Variants in ZFX observed in about 807,000 individuals in gnomAD.
ZFX encodes zinc finger X-chromosomal protein.
For missense variants in ZFX, 362 were observed against 628.3 expected (o/e 0.58, Z 4.53); for synonymous variants, 196 against 226.8 (o/e 0.86, Z 1.22).
intron 5 of ZFX, among the ~76,000 whole-genome samples, chrX:24,180,151 G>C (rs1935550773): frequency 9.1e-6 from 1 of 109,637 alleles, no homozygotes; most frequent in South Asian, 4.0e-4. Context: ...AGAATCGCTT[G>C]AACCCGGGAG....
Position 24,210,443 on chromosome X carries a change from G to A in ZFX, c.1485G>A (p.Lys495=). 2 of 1,212,157 alleles carry A rather than the reference G, an allele frequency of 1.6e-6. No homozygotes were observed. Among genetic ancestry groups the A allele is most frequent in the Non-Finnish European group, 2.2e-6 (2 of 895,667 alleles). Reference sequence around the variant, plus strand: ...CCATTGAATGCGATGAGTGTGGGAAGCATTTCTCTCATGCAGGGGCTTTGT... The same window carrying A: ...CCATTGAATGCGATGAGTGTGGGAAACATTTCTCTCATGCAGGGGCTTTGT... The part of the protein sequence containing the change: ...EKAIECDECG[K]HFSHAGALFT... Residue 495 remains lysine, a synonymous_variant, in exon 10 of 10, where the codon AAG becomes AAA. Coordinates refer to ENST00000304543, the MANE Select transcript of ZFX (RefSeq NM_003410.4).
intron 4 of ZFX, among the ~76,000 whole-genome samples, chrX:24,176,069 TG>T (rs1935103266): frequency 9.2e-6 from 1 of 108,300 alleles, no homozygotes; most frequent in Non-Finnish European, 1.9e-5. Context: ...GATGGAGTTT[TG>T]CTCTTGTTGC....
intron 3 of ZFX, among the ~76,000 whole-genome samples, chrX:24,154,371 T>C (rs1385741785): frequency 8.9e-6 from 1 of 111,902 alleles, no homozygotes; most frequent in Non-Finnish European, 1.9e-5. Flanking sequence ...CAAAACAATA[T>C]CAGGTATTGC....
rs1938246920 is a variant in ZFX at position 24,213,482 on chromosome X, T to G, written c.*2106T>G. 9.0e-6 allele frequency: 1 copy of G among 111,334 alleles called. No homozygotes were observed. Among genetic ancestry groups the G allele is most frequent in the African/African-American group, 3.3e-5 (1 of 30,513 alleles). The allele number at this position is 111,334 out of a possible 1,213,427, so 9.2% of individuals were successfully genotyped here. A position where few individuals can be genotyped will look rare whatever the true frequency, so the allele number is the denominator to read the frequency against. On this transcript the variant is annotated 3_prime_UTR_variant, in exon 10 of 10. Transcript: ENST00000304543. ...GCCATTGATGTTTGTATTCAAGAGT[T>G]ATATTTTTAGGGTTAGAAATCAAAA...
At chrX:24,189,176 T>C (rs1936367052) in intron 5 of ZFX, among the ~76,000 whole-genome samples, 1 of 112,093 alleles carries the variant, frequency 8.9e-6, no homozygotes, top group Non-Finnish European at 1.9e-5. Context: ...CAGAAACTGA[T>C]TCATGACATA....
Position 24,212,796 on chromosome X carries a change from T to A in ZFX, c.*1420T>A, listed in dbSNP as rs1394695977. On this transcript the variant is annotated 3_prime_UTR_variant, in exon 10 of 10. Transcript: ENST00000304543. ...AACTTAACACTCAAGTTGGCTTTGA[T>A]TAAAAGGTAAAGATGTGTTTTAAGT... is the stretch of plus-strand genomic sequence containing the variant. 1 of 112,966 alleles carries A rather than the reference T, an allele frequency of 8.9e-6. No homozygotes were observed. The highest frequency in any genetic ancestry group is 1.9e-5 in the Non-Finnish European group (1 of 53,322). The allele number at this position is 112,966 out of a possible 1,213,427, so 9.3% of individuals were successfully genotyped here. A position where few individuals can be genotyped will look rare whatever the true frequency, so the allele number is the denominator to read the frequency against.
intron 3 of ZFX, among the ~76,000 whole-genome samples, chrX:24,171,151 AC>A (rs1468480049): frequency 8.9e-6 from 1 of 111,826 alleles, no homozygotes; most frequent in Non-Finnish European, 1.9e-5. Context: ...AATATGACAA[AC>A]CAGTACAATA....
At chrX:24,150,544 A>T (rs746934985) in intron 1 of ZFX, 1 of 112,719 alleles carries the variant, frequency 8.9e-6, no homozygotes, top group Non-Finnish European at 1.9e-5. Context: ...GTTTCAGCTG[A>T]GCTGCCGCAG....
At chrX:24,201,825 C>G (rs1937318393) in intron 5 of ZFX, among the ~76,000 whole-genome samples, 1 of 112,412 alleles carries the variant, frequency 8.9e-6, no homozygotes, top group Non-Finnish European at 1.9e-5. Context: ...AATCAAAATA[C>G]TTTAATTTAG....
chrX:24,171,904 AGGAGAG>A (rs367602639), intron 3 of ZFX, among the ~76,000 whole-genome samples: 31,020 of 96,796 alleles, frequency 0.32, 3,835 homozygotes, highest in South Asian at 0.46. Context: ...CAGAGAGAGA[AGGAGAG>A]AGAGAGAGAG....
intron 2 of ZFX, 107 bp from the exon 3 acceptor site, chrX:24,152,613 A>G (rs1368319638): frequency 8.9e-6 from 1 of 112,251 alleles, no homozygotes; most frequent in African/African-American, 3.2e-5. Context: ...GAAACAGTGC[A>G]TTGCATGAGG....
rs1233810812 is a variant in ZFX at position 24,215,613 on chromosome X, C to T, written c.*4237C>T. The T allele has an allele frequency of 9.0e-6, 1 of 111,609 alleles. No individual in the cohort carries two copies. The highest frequency in any genetic ancestry group is 1.9e-5 in the Non-Finnish European group (1 of 53,166). The allele number at this position is 111,609 out of a possible 1,213,427, so 9.2% of individuals were successfully genotyped here. ...GTGTGGTAGATAAGAAAGAAATTATCACAAAAAATCAGAAATGAACAGTGA... is the reference window on the plus strand; with the variant it reads ...GTGTGGTAGATAAGAAAGAAATTATTACAAAAAATCAGAAATGAACAGTGA... On this transcript the variant is annotated 3_prime_UTR_variant, in exon 10 of 10. Transcript: ENST00000304543.
At chrX:24,174,534 C>T (rs1010174681) in intron 4 of ZFX, among the ~76,000 whole-genome samples, 2 of 107,263 alleles carry the variant, frequency 1.9e-5, no homozygotes, top group African/African-American at 3.4e-5. Context: ...GCTGGGACTA[C>T]AGGTGTGCAC....
chrX:24,152,226 C>T (rs974528275), intron 2 of ZFX, among the ~76,000 whole-genome samples: 1 of 109,058 alleles, frequency 9.2e-6, no homozygotes, highest in African/African-American at 3.4e-5. Flanking sequence ...ACCTCTGCCT[C>T]CCGGGTTCAA....
Position 24,213,675 on chromosome X carries a change from GTGTTT to G in ZFX, c.*2301_*2305del, listed in dbSNP as rs1938259530. 3 of 77,256 alleles carry G rather than the reference GTGTTT, an allele frequency of 3.9e-5. No homozygotes were observed. In the Admixed American group the frequency reaches 4.5e-4, roughly 12 times the overall value. The allele number at this position is 77,256 out of a possible 1,213,427, so 6.4% of individuals were successfully genotyped here. ...CCTGTACCTTCTTGGCCCCCATAATGTGTTTTTTTTTTTTTTTTTTTTTTAAACTA... is the reference window on the plus strand; with the variant it reads ...CCTGTACCTTCTTGGCCCCCATAATGTTTTTTTTTTTTTTTTTTTAAACTA... On this transcript the variant is annotated 3_prime_UTR_variant, in exon 10 of 10. Transcript: ENST00000304543.
At chrX:24,203,745 G>A (rs1937459249) in intron 5 of ZFX, among the ~76,000 whole-genome samples, 1 of 111,535 alleles carries the variant, frequency 9.0e-6, no homozygotes. Flanking sequence ...CCATCACGCC[G>A]TTTTGTGTCT....
At position 24,214,469 on chromosome X, in the gene ZFX, TAC is replaced by T. The variant is rs1938331459; in HGVS notation, c.*3095_*3096del. ...TGCTTTTTCTCAAGGAAAAAAAATG[TAC>T]AGTTTTTGTAAACCTAATAAACATC... On this transcript the variant is annotated 3_prime_UTR_variant, in exon 10 of 10. Coordinates refer to ENST00000304543, the MANE Select transcript of ZFX (RefSeq NM_003410.4). 1 of 112,736 alleles carries T rather than the reference TAC, an allele frequency of 8.9e-6. No individual in the cohort carries two copies. The highest frequency in any genetic ancestry group is 3.2e-5 in the African/African-American group (1 of 30,976). 9.3% of individuals were successfully genotyped at this position (112,736 alleles called of 1,213,427 possible). A position where few individuals can be genotyped will look rare whatever the true frequency, so the allele number is the denominator to read the frequency against.
At chrX:24,169,260 T>C (rs1294982969) in intron 3 of ZFX, among the ~76,000 whole-genome samples, 2 of 111,581 alleles carry the variant, frequency 1.8e-5, no homozygotes. Context: ...GAATATCTAT[T>C]AGGAAATGCA....
At chrX:24,178,335 C>T (rs1935352210) in intron 4 of ZFX, among the ~76,000 whole-genome samples, 1 of 102,093 alleles carries the variant, frequency 9.8e-6, no homozygotes, top group South Asian at 4.6e-4. Flanking sequence ...GTCGCCCAGG[C>T]TGGAGTGCAG....
Sources: allele counts gnomAD v4.1 joint callset (sites outside exome capture counted in the v4.1 genomes callset), GRCh38; gene constraint gnomAD v4.1.1; transcripts MANE v1.5; gene names NCBI Gene and HGNC (gene_info 2026-07-23, HGNC 2026-07-21).